The following KIAA1217 variants were observed in gnomAD, a reference collection of about 807,000 sequenced individuals.
KIAA1217 encodes KIAA1217, also known as sickle tail protein homolog.
In KIAA1217, 88 loss-of-function variants were observed where a neutral mutation model predicts 163.9. That is an observed-to-expected ratio of 0.54 (90% confidence interval 0.45 to 0.64). KIAA1217 has a LOEUF of 0.64. Among genes scored for constraint, KIAA1217 ranks in the 30% least tolerant of loss-of-function variants. KIAA1217 has a pLI of 0.00. For missense variants in KIAA1217, 2,372 were observed against 2,475.0 expected (o/e 0.96, Z 0.88); for synonymous variants, 903 against 923.1 (o/e 0.98, Z 0.39).
At chr10:23,881,228 C>G (rs1480522286) in intron 1 of KIAA1217, among the ~76,000 whole-genome samples, 1 of 151,838 alleles carries the variant, frequency 6.6e-6, no homozygotes, top group Non-Finnish European at 1.5e-5. Flanking sequence ...AAGTTTTTAA[C>G]CATTGAAATT....
At chr10:24,059,553 G>T (rs905629316) in intron 2 of KIAA1217, among the ~76,000 whole-genome samples, 8 of 151,976 alleles carry the variant, frequency 5.3e-5, no homozygotes, top group Non-Finnish European at 1.5e-5. Flanking sequence ...TTCCTTACTA[G>T]TTATGTCTAT....
At chr10:23,851,283 G>A (rs1215392220) in intron 1 of KIAA1217, among the ~76,000 whole-genome samples, 7 of 151,968 alleles carry the variant, frequency 4.6e-5, no homozygotes, top group Admixed American at 1.3e-4. Flanking sequence ...TTGTCCTTGC[G>A]ATAGTTTACT....
At chr10:24,276,662 T>G (rs2077329796) in intron 2 of KIAA1217, among the ~76,000 whole-genome samples, 1 of 150,778 alleles carries the variant, frequency 6.6e-6, no homozygotes, top group African/African-American at 2.5e-5. Context: ...GAGGCCGTAG[T>G]GCAGTGGCGC....
At chr10:24,258,736 G>A (rs912889735) in intron 2 of KIAA1217, among the ~76,000 whole-genome samples, 1 of 152,078 alleles carries the variant, frequency 6.6e-6, no homozygotes, top group Non-Finnish European at 1.5e-5. Flanking sequence ...GGCACTACAG[G>A]CGCCCGCCAC....
At chr10:23,893,504 T>G (rs1404957742) in intron 1 of KIAA1217, among the ~76,000 whole-genome samples, 2 of 152,080 alleles carry the variant, frequency 1.3e-5, no homozygotes, top group African/African-American at 4.8e-5. Context: ...AGTTCTGCTC[T>G]GATTTTAGTT....
At chr10:24,247,128 T>C (rs933698392) in intron 2 of KIAA1217, among the ~76,000 whole-genome samples, 3 of 150,912 alleles carry the variant, frequency 2.0e-5, no homozygotes, top group African/African-American at 7.3e-5. Context: ...TCTTTTCTTT[T>C]TTTTTTTTTT....
chr10:23,796,027 T>C (rs1836184024), intron 1 of KIAA1217, among the ~76,000 whole-genome samples: 1 of 152,214 alleles, frequency 6.6e-6, no homozygotes, highest in Non-Finnish European at 1.5e-5. Context: ...TTTATTTCCA[T>C]GCTTCCAGGG....
intron 1 of KIAA1217, among the ~76,000 whole-genome samples, chr10:23,918,733 T>TATATATATATACAC (rs769797460): frequency 2.0e-5 from 3 of 147,478 alleles, no homozygotes; most frequent in African/African-American, 7.5e-5. Flanking sequence ...ATTAAATATA[T>TATATATATATACAC]ACACACACAC....
intron 1 of KIAA1217, among the ~76,000 whole-genome samples, chr10:23,912,373 C>T (rs946759196): frequency 7.4e-5 from 11 of 148,992 alleles, no homozygotes; most frequent in African/African-American, 1.3e-4. Flanking sequence ...TGGGGTTATA[C>T]GTGCATGTTT....
exon 1 of KIAA1217, chr10:23,694,972 G>A (rs1323822766): frequency 6.6e-6 from 1 of 152,218 alleles, no homozygotes; most frequent in Non-Finnish European, 1.5e-5. Flanking sequence ...CCCGGCGGAG[G>A]AGCAGGGCGC....
intron 2 of KIAA1217, among the ~76,000 whole-genome samples, chr10:24,046,811 C>T (rs962734214): frequency 6.6e-6 from 1 of 152,096 alleles, no homozygotes; most frequent in African/African-American, 2.4e-5. Context: ...GAAGTAGAGC[C>T]GGAATTCTAA....
chr10:24,050,150 GTTGT>G (rs764942968), intron 2 of KIAA1217, among the ~76,000 whole-genome samples: 2 of 152,158 alleles, frequency 1.3e-5, no homozygotes, highest in Non-Finnish European at 2.9e-5. Context: ...TTTTGATGGG[GTTGT>G]TTGTTTTTTC....
At chr10:24,333,460 G>T (rs1012765907) in intron 2 of KIAA1217, among the ~76,000 whole-genome samples, 1 of 152,160 alleles carries the variant, frequency 6.6e-6, no homozygotes, top group African/African-American at 2.4e-5. Flanking sequence ...GATTCAGGGG[G>T]TATGTGTGCA....
chr10:24,056,319 C>A (rs760811021), intron 2 of KIAA1217, among the ~76,000 whole-genome samples: 2 of 151,730 alleles, frequency 1.3e-5, no homozygotes, highest in Non-Finnish European at 2.9e-5. Flanking sequence ...CAGAGGGAGG[C>A]CCCATCTCAA....
chr10:24,460,850 A>G (rs1221015545), intron 5 of KIAA1217, among the ~76,000 whole-genome samples: 1 of 152,172 alleles, frequency 6.6e-6, no homozygotes, highest in Non-Finnish European at 1.5e-5. Context: ...CAGAAAAGCT[A>G]TAATCAAAGA....
chr10:24,170,152 T>C (rs2065558410), intron 2 of KIAA1217, among the ~76,000 whole-genome samples: 1 of 152,262 alleles, frequency 6.6e-6, no homozygotes, highest in African/African-American at 2.4e-5. Flanking sequence ...CATTTTCCAA[T>C]GCTAGTTTCT....
intron 1 of KIAA1217, among the ~76,000 whole-genome samples, chr10:23,764,698 A>G (rs1359847527): frequency 1.3e-5 from 2 of 152,200 alleles, no homozygotes; most frequent in Non-Finnish European, 2.9e-5. Flanking sequence ...ACAGGAATAG[A>G]AAACCAAACA....
intron 1 of KIAA1217, among the ~76,000 whole-genome samples, chr10:23,981,709 T>G (rs1406134371): frequency 6.6e-6 from 1 of 150,966 alleles, no homozygotes; most frequent in East Asian, 1.9e-4. Flanking sequence ...CAGCCCTGTT[T>G]GTGGACAATC....
rs890565669 is a variant in KIAA1217 at position 24,545,516 on chromosome 10, C to T, written c.5335-311C>T. 6.2e-6 allele frequency: 8 copies of T among 1,297,162 alleles called. No individual in the cohort carries two copies. The South Asian group carries it at 6.8e-5, about 11-fold the overall frequency. The allele number at this position is 1,297,162 out of a possible 1,614,324, so 80.4% of individuals were successfully genotyped here. ...CACATTAACACTCCGTCACAATGCC[C>T]GACCCCCACCCCAGTAATTATCCAG... On this transcript the variant is annotated intron_variant, in intron 20 of 20. Coordinates refer to ENST00000376454, the MANE Select transcript of KIAA1217 (RefSeq NM_019590.5).
Sources: allele counts gnomAD v4.1 joint callset (sites outside exome capture counted in the v4.1 genomes callset), GRCh38; gene constraint gnomAD v4.1.1; transcripts MANE v1.5; gene names NCBI Gene and HGNC (gene_info 2026-07-23, HGNC 2026-07-21).